PLXDC2: variants seen among roughly 807,000 people sequenced by gnomAD.
The protein encoded by PLXDC2 is plexin domain containing 2.
A neutral mutation model predicts 68.9 loss-of-function variants in PLXDC2; 40 were observed. The ratio of observed to expected loss-of-function variants is 0.58; its 90% CI spans 0.45 to 0.76. PLXDC2 has a LOEUF of 0.76. PLXDC2 is among the 30% of genes least tolerant of loss of function. The probability of loss-of-function intolerance (pLI) is 0.00; values close to 1 mark genes in which losing one functional copy is unlikely to be tolerated. For synonymous variants in PLXDC2, 243 were observed against 234.2 expected (o/e 1.04, Z -0.34); for missense variants, 644 against 661.9 (o/e 0.97, Z 0.30).
intron 1 of PLXDC2, among the ~76,000 whole-genome samples, chr10:19,831,726 C>T (rs1836696084): frequency 6.6e-6 from 1 of 152,132 alleles, no homozygotes; most frequent in African/African-American, 2.4e-5. Flanking sequence ...GGATAATGTC[C>T]TCCATCCCTT....
chr10:20,090,304 C>T (rs754967932), intron 4 of PLXDC2, among the ~76,000 whole-genome samples: 3 of 152,114 alleles, frequency 2.0e-5, no homozygotes, highest in Non-Finnish European at 4.4e-5. Context: ...CTCTTTCTCA[C>T]AGAATATAAA....
At chr10:20,011,312 G>A (rs545196050) in intron 2 of PLXDC2, among the ~76,000 whole-genome samples, 80 of 152,210 alleles carry the variant, frequency 5.3e-4, no homozygotes, top group Non-Finnish European at 9.3e-4. Flanking sequence ...GAGTGCTGCT[G>A]GATGCACCCA....
intron 4 of PLXDC2, among the ~76,000 whole-genome samples, chr10:20,119,526 G>A (rs1419367480): frequency 2.8e-5 from 4 of 145,060 alleles, no homozygotes; most frequent in African/African-American, 4.9e-5. Context: ...ATCAGTTAAC[G>A]CAGGAACCGG....
rs1833151367 is a variant in PLXDC2, at chr10:19,906,020, C to A, written c.112+88829C>A. Among the ~76,000 whole-genome samples, 6 of 151,560 alleles carry A rather than the reference C, an allele frequency of 4.0e-5. No individual in the cohort carries two copies. In the South Asian group the frequency reaches 1.2e-3, roughly 31 times the overall value. On this transcript the variant is annotated intron_variant, in intron 1 of 13. Transcript: ENST00000377252. ...GTGGAAAAAAAAAAACAACTCAAAT[C>A]TCTGCCTTGATGGGCCTTACATTCT... is the stretch of plus-strand genomic sequence containing the variant.
At chr10:19,834,516 A>G (rs1836754509) in intron 1 of PLXDC2, among the ~76,000 whole-genome samples, 1 of 152,206 alleles carries the variant, frequency 6.6e-6, no homozygotes, top group Non-Finnish European at 1.5e-5. Flanking sequence ...TATACCACCT[A>G]TGCCACCATT....
intron 2 of PLXDC2, among the ~76,000 whole-genome samples, chr10:20,015,927 A>G (rs1156676175): frequency 3.3e-5 from 5 of 152,152 alleles, no homozygotes; most frequent in Non-Finnish European, 1.5e-5. Context: ...TTTTACTAAG[A>G]ACTCATATAC....
At position 20,217,449 on chromosome 10, in the gene PLXDC2, T is replaced by C; in HGVS notation, c.1146T>C (p.Asn382=). 1 of 1,612,582 alleles carries C rather than the reference T, an allele frequency of 6.2e-7. No homozygotes were observed. Among genetic ancestry groups the C allele is most frequent in the Non-Finnish European group, 8.5e-7 (1 of 1,179,126 alleles). ...AGTCAAAAGAGAAGATGTGTGAGAA[T>C]ACAGAACCAGTGGAAACTTCTTCTC... is the stretch of plus-strand genomic sequence containing the variant. ...PEESKEKMCE[N]TEPVETSSRT... The change falls in exon 11 of 14, where the codon AAT becomes AAC. Residue 382 remains asparagine, a synonymous_variant. Transcript: ENST00000377252.
chr10:20,114,073 G>A (rs572525765), intron 4 of PLXDC2, among the ~76,000 whole-genome samples: 3 of 152,292 alleles, frequency 2.0e-5, no homozygotes, highest in Admixed American at 6.5e-5. Flanking sequence ...GCAGTGAGCC[G>A]AGATTGTGCC....
At chr10:20,124,653 G>T (rs576578003) in intron 4 of PLXDC2, among the ~76,000 whole-genome samples, 1 of 152,038 alleles carries the variant, frequency 6.6e-6, no homozygotes, top group African/African-American at 2.4e-5. Flanking sequence ...GGAGATGGGG[G>T]TGGGGCCGTT....
chr10:20,007,913 C>A (rs1265793928), intron 2 of PLXDC2, among the ~76,000 whole-genome samples: 1 of 152,158 alleles, frequency 6.6e-6, no homozygotes, highest in East Asian at 1.9e-4. Flanking sequence ...TCAGTTGTAT[C>A]CAGCAACTGT....
At chr10:20,221,408 T>C (rs930538037) in intron 12 of PLXDC2, among the ~76,000 whole-genome samples, 1 of 152,214 alleles carries the variant, frequency 6.6e-6, no homozygotes, top group African/African-American at 2.4e-5. Flanking sequence ...ATTTACATAA[T>C]TGATATGCAG....
chr10:19,871,937 C>G (rs979963503), intron 1 of PLXDC2, among the ~76,000 whole-genome samples: 1 of 151,340 alleles, frequency 6.6e-6, no homozygotes, highest in Non-Finnish European at 1.5e-5. Context: ...TGCCCATTTC[C>G]TTAAGTGTAA....
chr10:20,172,530 A>G (rs1375613960), intron 7 of PLXDC2, among the ~76,000 whole-genome samples: 2 of 152,136 alleles, frequency 1.3e-5, no homozygotes, highest in Non-Finnish European at 2.9e-5. Flanking sequence ...ATATGGGGAC[A>G]TGTGAGTATT....
At chr10:20,253,136 G>A (rs371508514) in intron 13 of PLXDC2, among the ~76,000 whole-genome samples, 1 of 151,918 alleles carries the variant, frequency 6.6e-6, no homozygotes, top group Non-Finnish European at 1.5e-5. Context: ...AGACCGAGAC[G>A]GGAGGGTCCT....
At chr10:19,825,113 T>G (rs891230795) in intron 1 of PLXDC2, among the ~76,000 whole-genome samples, 2 of 152,202 alleles carry the variant, frequency 1.3e-5, no homozygotes, top group Admixed American at 1.3e-4. Context: ...GTTAGTGGTC[T>G]GTGAATTTTG....
intron 4 of PLXDC2, among the ~76,000 whole-genome samples, chr10:20,084,383 A>C (rs913157141): frequency 6.6e-6 from 1 of 152,190 alleles, no homozygotes; most frequent in Non-Finnish European, 1.5e-5. Flanking sequence ...GGCTCCAAAA[A>C]GCAGGAGGAA....
At chr10:20,016,669 C>T (rs1044122275) in intron 2 of PLXDC2, among the ~76,000 whole-genome samples, 6 of 152,296 alleles carry the variant, frequency 3.9e-5, no homozygotes, top group Non-Finnish European at 7.3e-5. Context: ...TGCTTAGTAC[C>T]TTCTGGAAAC....
chr10:20,249,494 G>T (rs539818012), intron 13 of PLXDC2, among the ~76,000 whole-genome samples: 2 of 152,210 alleles, frequency 1.3e-5, no homozygotes, highest in African/African-American at 2.4e-5. Flanking sequence ...TCCACATGCC[G>T]CATGTGTTCC....
intron 1 of PLXDC2, among the ~76,000 whole-genome samples, chr10:19,888,672 C>T (rs1837892017): frequency 6.6e-6 from 1 of 152,036 alleles, no homozygotes; most frequent in Admixed American, 6.5e-5. Context: ...ATGGTACTTG[C>T]ACAGATCTAG....
Sources: allele counts gnomAD v4.1 joint callset (sites outside exome capture counted in the v4.1 genomes callset), GRCh38; gene constraint gnomAD v4.1.1; transcripts MANE v1.5; gene names NCBI Gene and HGNC (gene_info 2026-07-23, HGNC 2026-07-21).